Variants in STAB1 observed in about 807,000 individuals in gnomAD.
STAB1 encodes the protein stabilin 1, also known as stabilin-1.
STAB1 carries 250 observed loss-of-function variants against 332.4 expected under a neutral mutation model. The ratio of observed to expected loss-of-function variants is 0.75; its 90% CI spans 0.68 to 0.84. The LOEUF is 0.84. STAB1 is among the 40% of genes least tolerant of loss of function. STAB1 has a pLI of 0.00. For missense variants in STAB1, 3,249 were observed against 3,489.7 expected, an observed-to-expected ratio of 0.93 and a Z score of 1.74; for synonymous variants, 1,475 against 1,390.4, an observed-to-expected ratio of 1.06 and a Z score of -1.35.
Position 52,523,257 on chromosome 3 carries a change from T to C in STAB1, c.7056T>C (p.Gly2352=), listed in dbSNP as rs772040962. 11 of 1,613,122 alleles carry C rather than the reference T, an allele frequency of 6.8e-6. No homozygotes were observed. In the South Asian group the frequency reaches 1.1e-4, roughly 16 times the overall value. ...LLGYANATQR[G]LDFLDFLDDE... Reference sequence around the variant, plus strand: ...GCTATGCCAATGCCACCCAGCGGGGTCTCGACTTCCTGGACTTCCTGGATG... The same window carrying C: ...GCTATGCCAATGCCACCCAGCGGGGCCTCGACTTCCTGGACTTCCTGGATG... The change falls in exon 64 of 69, where the codon GGT becomes GGC. Residue 2352 remains glycine (G), a synonymous_variant. Transcript: ENST00000321725.
intron 46 of STAB1, 36 bp downstream of exon 46, chr3:52,518,395 T>A: frequency 6.2e-7 from 1 of 1,605,726 alleles, no homozygotes; most frequent in African/African-American, 1.3e-5. Context: ...GACCTGCAAG[T>A]CCCACCCCTC....
chr3:52,514,492 G>A lies in STAB1; in HGVS notation c.3674G>A (p.Gly1225Asp), dbSNP rs1021253529. The A allele has an allele frequency of 4.6e-6, 7 of 1,524,918 alleles. No homozygotes were observed. Among genetic ancestry groups the A allele is most frequent in the Non-Finnish European group, 6.2e-6 (7 of 1,136,942 alleles). The allele number at this position is 1,524,918 out of a possible 1,614,324, so 94.5% of individuals were successfully genotyped here. Residue 1225 changes from glycine (G) to aspartate (D), a missense_variant, in exon 34 of 69, where the codon GGC becomes GAC. Physicochemically the swap from Gly to Asp is moderately conservative, Grantham distance 94 (BLOSUM62 -1). Transcript: ENST00000321725. ...TGGATCGTCTTCTACAACCACAGTG[G>A]CCAGGTTTGGGGGTCAGGGAGCAAG... ...AHWIVFYNHS[G>D]QPEVNHVPLE... is the part of the protein sequence containing the mutation.
At chr3:52,518,458 A>C in intron 46 of STAB1, 78 bp from the exon 47 acceptor site, 1 of 1,564,792 alleles carries the variant, frequency 6.4e-7, no homozygotes, top group East Asian at 2.3e-5. Context: ...GTTCTCTCTG[A>C]GTCCAGGTCT....
Position 52,524,306 on chromosome 3 carries a change from C to T in STAB1, c.7663C>T (p.Leu2555=). 1 of 1,613,944 alleles carries T rather than the reference C, an allele frequency of 6.2e-7. No homozygotes were observed. The highest frequency in any genetic ancestry group is 8.5e-7 in the Non-Finnish European group (1 of 1,180,012). The change falls in exon 69 of 69, where the codon CTG becomes TTG. Residue 2555 remains leucine (L), a synonymous_variant. Coordinates refer to ENST00000321725, the MANE Select transcript of STAB1 (RefSeq NM_015136.3). The stretch of plus-strand genomic sequence containing the variant: ...ACCAACCCTGCTCTTCTAGGACTCA[C>T]TGCTGGAGGAGGACTTCCCTGACAC... ...DTFCEPFDDS[L]LEEDFPDTQR...
intron 1 of STAB1, among the ~76,000 whole-genome samples, chr3:52,500,418 G>A (rs1363895046): frequency 1.3e-5 from 2 of 152,250 alleles, no homozygotes; most frequent in Non-Finnish European, 2.9e-5. Flanking sequence ...CCAAACACTT[G>A]CAGACCAGAG....
chr3:52,514,528 C>T (rs376032690), intron 34 of STAB1, 32 bp downstream of exon 34: 3 of 1,526,902 alleles, frequency 2.0e-6, no homozygotes, highest in Non-Finnish European at 2.6e-6. Flanking sequence ...GAGACCCTAG[C>T]CCGGGCCCCT....
intron 36 of STAB1, 116 bp from the exon 37 acceptor site, chr3:52,515,306 CT>C: frequency 9.5e-7 from 1 of 1,053,360 alleles, no homozygotes; most frequent in South Asian, 1.3e-5. Flanking sequence ...CTCTCTGACC[CT>C]TCTGCTGTTC....
intron 7 of STAB1, 96 bp from the exon 8 acceptor site, chr3:52,503,248 G>C: frequency 6.6e-7 from 1 of 1,515,950 alleles, no homozygotes; most frequent in South Asian, 1.2e-5. Context: ...CAAGGCCTAG[G>C]TCAACCTGCT....
chr3:52,516,122 A>G lies in STAB1; in HGVS notation c.4028A>G (p.His1343Arg), dbSNP rs1268297005. The G allele has an allele frequency of 6.2e-7, 1 of 1,611,674 alleles. No homozygotes were observed. The highest frequency in any genetic ancestry group is 8.5e-7 in the Non-Finnish European group (1 of 1,179,570). Reference sequence around the variant, plus strand: ...GGTCTAGGGGGGGTGTGCTCAGGCCATGGGCAGTGCCAGGACAGGTTCCTG... The same window carrying G: ...GGTCTAGGGGGGGTGTGCTCAGGCCGTGGGCAGTGCCAGGACAGGTTCCTG... Reference protein sequence around the residue: ...PGGLGGVCSGHGQCQDRFLGS... With the variant: ...PGGLGGVCSGRGQCQDRFLGS... The change falls in exon 38 of 69, where the codon CAT becomes CGT. Residue 1343 changes from histidine (H) to arginine (R), a missense_variant. By Grantham distance (29) the His-to-Arg change is conservative. Transcript: ENST00000321725.
At position 52,521,350 on chromosome 3, in the gene STAB1, C is replaced by T. The variant is rs375137681; in HGVS notation, c.5909-11C>T. On this transcript the variant is annotated splice_polypyrimidine_tract_variant and intron_variant, in intron 55 of 68. Coordinates refer to ENST00000321725, the MANE Select transcript of STAB1 (RefSeq NM_015136.3). Reference sequence around the variant, plus strand: ...CCTGGCCCCACCTCACTTCTCCTACCCCATCCCCAGCTTGCCCTGGCGGCC... The same window carrying T: ...CCTGGCCCCACCTCACTTCTCCTACTCCATCCCCAGCTTGCCCTGGCGGCC... The T allele has an allele frequency of 1.2e-6, 2 of 1,613,704 alleles. No individual in the cohort carries two copies. Among genetic ancestry groups the T allele is most frequent in the Non-Finnish European group, 1.7e-6 (2 of 1,179,996 alleles).
At position 52,509,936 on chromosome 3, in the gene STAB1, C is replaced by G. The variant is rs1385259872; in HGVS notation, c.2414C>G (p.Thr805Arg). Residue 805 changes from threonine to arginine, a missense_variant, in exon 23 of 69, where the codon ACG (threonine) becomes AGG (arginine). Coordinates refer to ENST00000321725, the MANE Select transcript of STAB1 (RefSeq NM_015136.3). Reference protein sequence around the residue: ...PGSGGVCQQGTCAPGFSGRFC... With the variant: ...PGSGGVCQQGRCAPGFSGRFC... ...AGTGGGGGGGTGTGCCAGCAGGGCA[C>G]GTGTGCCCCTGGCTTCAGTGGCCGG... 2 of 1,612,980 alleles carry G rather than the reference C, an allele frequency of 1.2e-6. No homozygotes were observed. The highest frequency in any genetic ancestry group is 4.5e-5 in the East Asian group (2 of 44,876).
chr3:52,519,093 C>T (rs1403487483), intron 48 of STAB1, among the ~76,000 whole-genome samples, 171 bp from the exon 49 acceptor site: 1 of 151,938 alleles, frequency 6.6e-6, no homozygotes, highest in Non-Finnish European at 1.5e-5. Context: ...GACTGAGCCC[C>T]GCCCCCTGCC....
Position 52,504,829 on chromosome 3 carries a change from T to C in STAB1, c.1330T>C (p.Trp444Arg). Residue 444 changes from tryptophan to arginine, a missense_variant, in exon 12 of 69, where the codon TGG becomes CGG. Transcript: ENST00000321725. ...DTRTQQTRRWWTLAGQEITVT... is the reference protein window; with the variant it reads ...DTRTQQTRRWRTLAGQEITVT... Reference sequence around the variant, plus strand: ...AAGGACCCAACAAACACGAAGGTGGTGGACGCTGGCCGGGCAGGAGATCAC... The same window carrying C: ...AAGGACCCAACAAACACGAAGGTGGCGGACGCTGGCCGGGCAGGAGATCAC... 1 of 1,613,698 alleles carries C rather than the reference T, an allele frequency of 6.2e-7. No homozygotes were observed. Among genetic ancestry groups the C allele is most frequent in the Non-Finnish European group, 8.5e-7 (1 of 1,180,000 alleles).
intron 45 of STAB1, 91 bp downstream of exon 45, chr3:52,518,094 G>T (rs1374617913): frequency 5.9e-6 from 9 of 1,530,334 alleles, no homozygotes; most frequent in Non-Finnish European, 7.9e-6. Context: ...ATTTGATCCT[G>T]ATTCTGGCCC....
At chr3:52,518,151 C>T in intron 45 of STAB1, 148 bp downstream of exon 45, 1 of 1,482,070 alleles carries the variant, frequency 6.7e-7, no homozygotes, top group Non-Finnish European at 9.1e-7. Flanking sequence ...GGGCCTGACC[C>T]CAGCTATGAC....
At position 52,503,078 on chromosome 3, in the gene STAB1, C is replaced by T. The variant is rs752478814; in HGVS notation, c.663C>T (p.Pro221=). Residue 221 remains proline, a synonymous_variant, in exon 7 of 69, where the codon CCC becomes CCT. Coordinates refer to ENST00000321725, the MANE Select transcript of STAB1 (RefSeq NM_015136.3). ...AGGCTCCCAGCTGCAGGTGCCTGCC[C>T]GGCTACACACAGCAGGGCAGTGAAT... ...SAEAPSCRCL[P]GYTQQGSECR... The T allele has an allele frequency of 4.4e-6, 7 of 1,600,062 alleles. No homozygotes were observed. Among genetic ancestry groups the T allele is most frequent in the South Asian group, 2.3e-5 (2 of 88,498 alleles).
At chr3:52,506,378 G>C in intron 17 of STAB1, 128 bp downstream of exon 17, 1 of 886,892 alleles carries the variant, frequency 1.1e-6, no homozygotes, top group South Asian at 1.5e-5. Context: ...CGGGCTCATG[G>C]GGAAGGAAGC....
chr3:52,505,729 A>T lies in STAB1; in HGVS notation c.1643A>T (p.Asn548Ile), dbSNP rs1708804895. The change falls in exon 15 of 69, where the codon AAT becomes ATT. Residue 548 changes from asparagine to isoleucine, a missense_variant. Transcript: ENST00000321725. ...CCCTTCACAGTCTTTGCCCCAAGCA[A>T]TGAGGCTGTGGACAGCTTGCGTGAC... is the stretch of plus-strand genomic sequence containing the variant. Reference protein sequence around the residue: ...PGPFTVFAPSNEAVDSLRDGR... With the variant: ...PGPFTVFAPSIEAVDSLRDGR... The T allele has an allele frequency of 6.2e-7, 1 of 1,613,750 alleles. No individual in the cohort carries two copies. Among genetic ancestry groups the T allele is most frequent in the Non-Finnish European group, 8.5e-7 (1 of 1,180,042 alleles).
chr3:52,508,081 C>CG, intron 20 of STAB1, 55 bp downstream of exon 20: 1 of 1,568,338 alleles, frequency 6.4e-7, no homozygotes, highest in Admixed American at 1.7e-5. Context: ...TGCTGTTCCT[C>CG]GGGGGCCCCC....
Sources: allele counts gnomAD v4.1 joint callset (sites outside exome capture counted in the v4.1 genomes callset), GRCh38; gene constraint gnomAD v4.1.1; transcripts MANE v1.5; gene names NCBI Gene and HGNC (gene_info 2026-07-23, HGNC 2026-07-21).